The following UBR3 variants were observed in gnomAD, a reference collection of about 807,000 sequenced individuals.
The protein encoded by UBR3 is E3 ubiquitin-protein ligase UBR3.
UBR3 carries 85 observed loss-of-function variants against 243.2 expected under a neutral mutation model. The ratio of observed to expected loss-of-function variants is 0.35; its 90% CI spans 0.29 to 0.42. The LOEUF (loss-of-function observed/expected upper bound fraction) is 0.42. Among genes scored for constraint, UBR3 ranks in the 10% least tolerant of loss-of-function variants. The pLI is 1.00. For missense variants in UBR3, 1,686 were observed against 2,300.8 expected, an observed-to-expected ratio of 0.73 and a Z score of 5.47; for synonymous variants, 748 against 799.8, an observed-to-expected ratio of 0.94 and a Z score of 1.09.
intron 20 of UBR3, 139 bp downstream of exon 20, chr2:169,942,773 T>C (rs1056368095): frequency 9.3e-6 from 8 of 860,492 alleles, no homozygotes; most frequent in Admixed American, 3.7e-5. Flanking sequence ...AGATATGTTA[T>C]AATCACATGT....
chr2:169,961,040 T>C (rs2087548771), intron 24 of UBR3, among the ~76,000 whole-genome samples: 1 of 152,164 alleles, frequency 6.6e-6, no homozygotes, highest in Non-Finnish European at 1.5e-5. Context: ...TGCCTTTTGT[T>C]TTCCTTGAAG....
At chr2:169,969,834 C>T (rs1034051457) in intron 24 of UBR3, among the ~76,000 whole-genome samples, 5 of 133,248 alleles carry the variant, frequency 3.8e-5, no homozygotes, top group Middle Eastern at 3.9e-3. Context: ...CAGGCATGAG[C>T]CACCACGCCC....
intron 5 of UBR3, among the ~76,000 whole-genome samples, chr2:169,883,464 C>T (rs924725792): frequency 3.9e-5 from 6 of 152,118 alleles, no homozygotes; most frequent in African/African-American, 1.4e-4. Context: ...AAACGAGTTG[C>T]GAAAGTATGT....
chr2:169,973,457 A>G (rs886352426), intron 24 of UBR3, among the ~76,000 whole-genome samples: 86 of 151,810 alleles, frequency 5.7e-4, no homozygotes, highest in Non-Finnish European at 1.1e-3. Flanking sequence ...CGCATCGCCA[A>G]GTCAATCCTA....
At chr2:169,862,096 C>A (rs1023801427) in intron 1 of UBR3, among the ~76,000 whole-genome samples, 2 of 152,100 alleles carry the variant, frequency 1.3e-5, no homozygotes, top group East Asian at 3.8e-4. Context: ...TTCAAGGTTT[C>A]AATGTATATT....
chr2:170,062,309 C>A (rs2091472812), intron 35 of UBR3, among the ~76,000 whole-genome samples: 1 of 152,164 alleles, frequency 6.6e-6, no homozygotes, highest in Non-Finnish European at 1.5e-5. Flanking sequence ...CCATTCAGTT[C>A]TAGGGAATTT....
chr2:170,072,694 C>T (rs963516111), intron 35 of UBR3, among the ~76,000 whole-genome samples: 20 of 152,008 alleles, frequency 1.3e-4, no homozygotes, highest in Non-Finnish European at 2.6e-4. Context: ...TAAATGGTGT[C>T]AGGGAAGGCT....
intron 1 of UBR3, among the ~76,000 whole-genome samples, chr2:169,829,877 C>A (rs1472246916): frequency 1.3e-5 from 2 of 151,348 alleles, no homozygotes; most frequent in African/African-American, 2.4e-5. Context: ...CACATCTAGT[C>A]TTCTATCTGT....
chr2:169,894,262 G>T (rs1460737189), intron 6 of UBR3, among the ~76,000 whole-genome samples: 2 of 143,320 alleles, frequency 1.4e-5, no homozygotes, highest in Non-Finnish European at 3.0e-5. Context: ...GTTTGAGGCT[G>T]CAGTGAGCTA....
At chr2:170,010,596 T>C (rs1021188203) in intron 29 of UBR3, among the ~76,000 whole-genome samples, 1 of 152,146 alleles carries the variant, frequency 6.6e-6, no homozygotes, top group Non-Finnish European at 1.5e-5. Flanking sequence ...GTGGGAGACC[T>C]TCTGGATCAA....
At chr2:169,954,040 C>G (rs1297930777) in intron 23 of UBR3, among the ~76,000 whole-genome samples, 1 of 152,160 alleles carries the variant, frequency 6.6e-6, no homozygotes, top group African/African-American at 2.4e-5. Context: ...TTGAAGTAAT[C>G]TTAAACTTAC....
chr2:169,919,799 G>A (rs1354717257), intron 11 of UBR3, among the ~76,000 whole-genome samples: 1 of 151,006 alleles, frequency 6.6e-6, no homozygotes, highest in Non-Finnish European at 1.5e-5. Flanking sequence ...TCATTAAAAA[G>A]TCAGGAAACA....
rs115111014 is a variant in UBR3, at chr2:169,951,704, G to A, written c.3545+1639G>A. Among the ~76,000 whole-genome samples the A allele has an allele frequency of 8.4e-3, 1,273 of 152,096 alleles. 23 individuals are homozygous for A. Among genetic ancestry groups the A allele is most frequent in the African/African-American group, 0.029 (1,188 of 41,478 alleles). On this transcript the variant is annotated intron_variant, in intron 23 of 38. Transcript: ENST00000272793. The stretch of plus-strand genomic sequence containing the variant: ...TTACATGAGGGTAGATTAGAGTGGG[G>A]TAAGACTGGAAATTGGGAGAGCAAG...
chr2:169,925,496 A>G, intron 13 of UBR3, 123 bp from the exon 14 acceptor site: 1 of 872,088 alleles, frequency 1.1e-6, no homozygotes, highest in Middle Eastern at 3.8e-4. Flanking sequence ...TATCTTTAAC[A>G]TTGGACAGAA....
At chr2:169,842,563 G>A (rs1027816968) in intron 1 of UBR3, among the ~76,000 whole-genome samples, 10 of 152,134 alleles carry the variant, frequency 6.6e-5, no homozygotes, top group Admixed American at 1.3e-4. Context: ...GACACTCACC[G>A]TGAAGATCTG....
At chr2:169,969,656 C>G (rs941298748) in intron 24 of UBR3, among the ~76,000 whole-genome samples, 1 of 150,616 alleles carries the variant, frequency 6.6e-6, no homozygotes, top group African/African-American at 2.4e-5. Flanking sequence ...TCATGCCATT[C>G]TCCTGCCTCA....
intron 32 of UBR3, among the ~76,000 whole-genome samples, chr2:170,041,991 A>T (rs58853487): frequency 0.04 from 6,123 of 152,322 alleles, 181 homozygotes; most frequent in East Asian, 0.11. Context: ...AACAATTTAA[A>T]GTATACAACT....
chr2:169,933,117 T>C lies in UBR3; in HGVS notation c.2663+109T>C. ...CTCTCATTAAAGTATACTTTCATTC[T>C]TTAAAGGTGAAAATAATAATTTAAG... On this transcript the variant is annotated intron_variant, in intron 19 of 38. Transcript: ENST00000272793. The C allele has an allele frequency of 4.3e-6, 3 of 695,810 alleles. No homozygotes were observed. The South Asian group carries it at 7.6e-5, about 18-fold the overall frequency. The allele number at this position is 695,810 out of a possible 1,614,324, so 43.1% of individuals were successfully genotyped here.
At chr2:170,050,989 C>T (rs984571139) in intron 32 of UBR3, among the ~76,000 whole-genome samples, 3 of 152,168 alleles carry the variant, frequency 2.0e-5, no homozygotes, top group Admixed American at 6.5e-5. Flanking sequence ...ATATAACCTA[C>T]ACATATCTTC....
Sources: allele counts gnomAD v4.1 joint callset (sites outside exome capture counted in the v4.1 genomes callset), GRCh38; gene constraint gnomAD v4.1.1; transcripts MANE v1.5; gene names NCBI Gene and HGNC (gene_info 2026-07-23, HGNC 2026-07-21).